The following MCTP1 variants were observed in gnomAD, a reference collection of about 807,000 sequenced individuals.
MCTP1 encodes the protein multiple C2 and transmembrane domain-containing protein 1.
Under a neutral mutation model 120.6 loss-of-function variants are expected in MCTP1, and 69 were observed. That is an observed-to-expected ratio of 0.57 (90% confidence interval 0.47 to 0.70). MCTP1 has a LOEUF of 0.70. MCTP1 is among the 30% of genes least tolerant of loss of function. The probability of loss-of-function intolerance (pLI) is 0.00; values close to 1 mark genes in which losing one functional copy is unlikely to be tolerated. For missense variants in MCTP1, 1,203 were observed against 1,248.8 expected, an observed-to-expected ratio of 0.96 and a Z score of 0.55; for synonymous variants, 529 against 493.1, an observed-to-expected ratio of 1.07 and a Z score of -0.96.
intron 1 of MCTP1, among the ~76,000 whole-genome samples, chr5:95,283,620 C>T (rs1760496065): frequency 6.6e-6 from 1 of 152,272 alleles, no homozygotes; most frequent in African/African-American, 2.4e-5. Context: ...ACTCAGAAAG[C>T]TTCTGGTGAC....
At chr5:94,947,577 T>TATAG in intron 3 of MCTP1, among the ~76,000 whole-genome samples, 22 of 47,390 alleles carry the variant, frequency 4.6e-4, no homozygotes, top group Non-Finnish European at 6.4e-4. Context: ...TATATATATA[T>TATAG]AGAGAGAGAG....
At chr5:94,838,967 T>A (rs1482884704) in intron 17 of MCTP1, among the ~76,000 whole-genome samples, 2 of 152,186 alleles carry the variant, frequency 1.3e-5, no homozygotes, top group African/African-American at 4.8e-5. Flanking sequence ...AAAGACCACA[T>A]TCCATTATAA....
chr5:95,244,181 G>T lies in MCTP1; in HGVS notation c.720+39675C>A, dbSNP rs573310844. 3.3e-5 allele frequency among the ~76,000 whole-genome samples: 5 copies of T among 152,308 alleles called. 1 individual carries two copies. The South Asian group carries it at 1.0e-3, about 32-fold the overall frequency. ...AATACAAAAGTAGAAACAGCTCAAA[G>T]GTCCATTAACAGGTGAATGCATGAA... On this transcript the variant is annotated intron_variant, in intron 1 of 22. Transcript: ENST00000515393.
At chr5:95,275,287 T>A (rs536452400) in intron 1 of MCTP1, among the ~76,000 whole-genome samples, 1 of 152,338 alleles carries the variant, frequency 6.6e-6, no homozygotes, top group East Asian at 1.9e-4. Context: ...ATCTAAAGAC[T>A]TCACACAAAA....
chr5:94,744,799 C>A (rs1013008681), intron 19 of MCTP1, among the ~76,000 whole-genome samples: 1 of 152,112 alleles, frequency 6.6e-6, no homozygotes, highest in Non-Finnish European at 1.5e-5. Context: ...TGTGAGCCAC[C>A]GCGCCCAGCC....
chr5:94,793,825 A>G (rs1779453398), intron 18 of MCTP1, among the ~76,000 whole-genome samples: 1 of 152,246 alleles, frequency 6.6e-6, no homozygotes, highest in African/African-American at 2.4e-5. Flanking sequence ...GTTCAAGTCA[A>G]TCAGATGTTT....
intron 19 of MCTP1, among the ~76,000 whole-genome samples, chr5:94,731,502 T>C (rs991742874): frequency 1.3e-5 from 2 of 152,200 alleles, no homozygotes; most frequent in African/African-American, 2.4e-5. Flanking sequence ...TTACAATAAA[T>C]ATTGACTTTT....
chr5:95,052,772 T>A (rs1746351791), intron 1 of MCTP1, among the ~76,000 whole-genome samples: 1 of 152,198 alleles, frequency 6.6e-6, no homozygotes. Flanking sequence ...AAACCTATGA[T>A]CCTGGGCTAT....
intron 1 of MCTP1, among the ~76,000 whole-genome samples, chr5:95,274,167 G>A (rs1562294950): frequency 6.6e-6 from 1 of 152,084 alleles, no homozygotes; most frequent in Non-Finnish European, 1.5e-5. Context: ...CCACACCCTA[G>A]CTTTCAGTCC....
intron 2 of MCTP1, among the ~76,000 whole-genome samples, chr5:94,954,147 C>CATATATATATGCATATATACAA (rs1821797304): frequency 3.1e-5 from 1 of 32,524 alleles, no homozygotes; most frequent in Admixed American, 3.8e-4. Flanking sequence ...CATATATATA[C>CATATATATATGCATATATACAA]ATATATATAT....
At chr5:95,042,235 T>A (rs1431457853) in intron 1 of MCTP1, among the ~76,000 whole-genome samples, 4 of 152,160 alleles carry the variant, frequency 2.6e-5, no homozygotes, top group Non-Finnish European at 5.9e-5. Context: ...GCAAATAGTA[T>A]TAGGCATATT....
Position 94,799,095 on chromosome 5 carries a change from A to T in MCTP1, c.2474T>A (p.Met825Lys). 1.9e-6 allele frequency: 3 copies of T among 1,612,224 alleles called. No individual in the cohort carries two copies. The highest frequency in any genetic ancestry group is 2.5e-6 in the Non-Finnish European group (3 of 1,178,724). Residue 825 changes from methionine to lysine, a missense_variant, in exon 18 of 23, where the codon ATG becomes AAG. Around this residue, in one of 2 missense-constraint regions of MCTP1, gnomAD observed 740 missense variants for 871.1 expected, o/e 0.85. Coordinates refer to ENST00000515393, the MANE Select transcript of MCTP1 (RefSeq NM_024717.7). The stretch of plus-strand genomic sequence containing the variant: ...TAGTAACAACAAAACCAGTGGTATC[A>T]TGTAGAGCTCAAAGTTCCAGACAAC... ...LFVVWNFELY[M>K]IPLVLLLLLT...
At chr5:95,198,974 C>A (rs1163555589) in intron 1 of MCTP1, among the ~76,000 whole-genome samples, 1 of 152,054 alleles carries the variant, frequency 6.6e-6, no homozygotes, top group Non-Finnish European at 1.5e-5. Flanking sequence ...ACTGAATCTC[C>A]AAAAGCAAAT....
At chr5:95,137,258 G>A (rs1404206623) in intron 1 of MCTP1, among the ~76,000 whole-genome samples, 2 of 152,176 alleles carry the variant, frequency 1.3e-5, no homozygotes, top group Admixed American at 6.5e-5. Context: ...GATAGATTCC[G>A]CAATTGTTCA....
At chr5:95,166,745 T>G (rs1746433349) in intron 1 of MCTP1, among the ~76,000 whole-genome samples, 1 of 151,918 alleles carries the variant, frequency 6.6e-6, no homozygotes, top group Non-Finnish European at 1.5e-5. Context: ...TTTTTTGTAT[T>G]TTTAGTAGAG....
intron 1 of MCTP1, among the ~76,000 whole-genome samples, chr5:95,271,278 A>C (rs1759371309): frequency 6.6e-6 from 1 of 152,240 alleles, no homozygotes; most frequent in Admixed American, 6.5e-5. Flanking sequence ...TGGCAACATT[A>C]ACAGAAAATA....
Position 94,947,577 on chromosome 5 carries a change from T to TATATAGAGAGAGAG in MCTP1, c.982-5151_982-5150insCTCTCTCTCTATAT. Among the ~76,000 whole-genome samples, 40 of 47,382 alleles carry TATATAGAGAGAGAG rather than the reference T, an allele frequency of 8.4e-4. 1 individual carries two copies. The highest frequency in any genetic ancestry group is 1.4e-3 in the Non-Finnish European group (34 of 25,004). 31.1% of individuals were successfully genotyped at this position (47,382 alleles called of 152,430 possible). A position where few individuals can be genotyped will look rare whatever the true frequency, so the allele number is the denominator to read the frequency against. ...CTAAATATATATATATATATATATA[T>TATATAGAGAGAGAG]AGAGAGAGAGAGAGAGAGAGAGAGA... On this transcript the variant is annotated intron_variant, in intron 3 of 22. Transcript: ENST00000515393.
chr5:94,998,705 CTCTT>C (rs1419279427), intron 2 of MCTP1, among the ~76,000 whole-genome samples: 1 of 152,174 alleles, frequency 6.6e-6, no homozygotes, highest in Non-Finnish European at 1.5e-5. Context: ...TGCACAAAAT[CTCTT>C]TGTGCCCTAT....
intron 17 of MCTP1, among the ~76,000 whole-genome samples, chr5:94,813,094 T>C (rs972205164): frequency 2.0e-5 from 3 of 152,184 alleles, no homozygotes; most frequent in African/African-American, 4.8e-5. Flanking sequence ...ATTAAGGACT[T>C]GTATTCAGAG....
Sources: gnomAD v4.1 joint callset for allele counts (sites outside exome capture counted in the v4.1 genomes callset) on GRCh38, gnomAD v4.1.1 for gene constraint, gnomAD v4.1.1 regional missense constraint, MANE v1.5 for transcripts, NCBI Gene and HGNC (gene_info 2026-07-23, HGNC 2026-07-21) for gene names.